AHI1: variants seen among roughly 807,000 people sequenced by gnomAD.
AHI1 encodes jouberin.
Under a neutral mutation model 149.3 loss-of-function variants are expected in AHI1, and 123 were observed. The ratio of observed to expected loss-of-function variants is 0.82; its 90% CI spans 0.71 to 0.96. The LOEUF is 0.96. Ranked by LOEUF, AHI1 falls within the 40% of genes least tolerant of loss-of-function variation. AHI1 has a pLI of 0.00. For synonymous variants in AHI1, 475 were observed against 459.8 expected, an observed-to-expected ratio of 1.03 and a Z score of -0.42; for missense variants, 1,439 against 1,422.7, an observed-to-expected ratio of 1.01 and a Z score of -0.18.
intron 5 of AHI1, among the ~76,000 whole-genome samples, chr6:135,476,983 C>G (rs1267087719): frequency 6.6e-6 from 1 of 151,744 alleles, no homozygotes; most frequent in Non-Finnish European, 1.5e-5. Context: ...TTTAAATACA[C>G]TATTCTATTA....
intron 5 of AHI1, among the ~76,000 whole-genome samples, chr6:135,484,952 G>C (rs1470998800): frequency 6.6e-6 from 1 of 151,858 alleles, no homozygotes; most frequent in African/African-American, 2.4e-5. Flanking sequence ...CTGCCTATTA[G>C]ATTTTTACAT....
At chr6:135,322,190 T>C (rs1786956068) in intron 25 of AHI1, among the ~76,000 whole-genome samples, 1 of 152,226 alleles carries the variant, frequency 6.6e-6, no homozygotes, top group African/African-American at 2.4e-5. Flanking sequence ...TCCTTCATTT[T>C]ACAGAAGGTA....
intron 4 of AHI1, among the ~76,000 whole-genome samples, chr6:135,491,053 C>T (rs543219793): frequency 1.3e-5 from 2 of 152,256 alleles, no homozygotes; most frequent in East Asian, 3.9e-4. Flanking sequence ...TGGCTTTAGA[C>T]AAGTTACTCA....
intron 22 of AHI1, among the ~76,000 whole-genome samples, chr6:135,402,479 T>C (rs1780156117): frequency 6.6e-6 from 1 of 152,152 alleles, no homozygotes. Context: ...GAAATCTTAT[T>C]TGGCAATAAA....
Position 135,457,521 on chromosome 6 carries a change from G to C in AHI1, c.1124C>G (p.Thr375Ser), listed in dbSNP as rs1237326631. The C allele has an allele frequency of 6.2e-7, 1 of 1,613,424 alleles. No homozygotes were observed. Among genetic ancestry groups the C allele is most frequent in the Non-Finnish European group, 8.5e-7 (1 of 1,179,668 alleles). ...ATCATCTTTCTTGACATATTGACCA[G>C]TATGCTCATCAACCACATGAATTTT... ...MVKIHVVDEH[T>S]GQYVKKDDSG... Residue 375 changes from threonine (T) to serine (S), a missense_variant, in exon 9 of 29, where the codon ACT becomes AGT. By Grantham distance (58) the Thr-to-Ser change is moderately conservative. Transcript: ENST00000265602.
intron 11 of AHI1, among the ~76,000 whole-genome samples, chr6:135,452,973 T>C (rs574145792): frequency 6.6e-6 from 1 of 152,352 alleles, no homozygotes; most frequent in Admixed American, 6.5e-5. Flanking sequence ...AATTGTTTTA[T>C]GTTTGTGTTG....
At chr6:135,477,630 C>T (rs1253393959) in intron 5 of AHI1, among the ~76,000 whole-genome samples, 1 of 152,012 alleles carries the variant, frequency 6.6e-6, no homozygotes, top group Admixed American at 6.6e-5. Context: ...GATCTGATTG[C>T]TTGAAAGTGT....
rs570799332 is a variant in AHI1 at position 135,486,844 on chromosome 6, T to C, written c.135+3779A>G. Among the ~76,000 whole-genome samples the C allele has an allele frequency of 1.9e-4, 29 of 152,312 alleles. No individual in the cohort carries two copies. In the South Asian group the frequency reaches 5.4e-3, roughly 28 times the overall value. On this transcript the variant is annotated intron_variant, in intron 5 of 28. Transcript: ENST00000265602. ...ATGCAGTGGCATGATTATGGCTCAC[T>C]GCAGCCTCGACTTCCCAGGCTCAAG...
chr6:135,293,392 C>CAAAAAAAAAAAAAAAAAAAAAAA (rs1175955601), intron 27 of AHI1, among the ~76,000 whole-genome samples: 3 of 20,134 alleles, frequency 1.5e-4, no homozygotes, highest in South Asian at 1.7e-3. Context: ...GTTAACAGGG[C>CAAAAAAAAAAAAAAAAAAAAAAA]AAAAAAAAAA....
At chr6:135,366,472 T>C (rs1774208485) in intron 23 of AHI1, among the ~76,000 whole-genome samples, 1 of 152,200 alleles carries the variant, frequency 6.6e-6, no homozygotes, top group Non-Finnish European at 1.5e-5. Flanking sequence ...GTGCTTGTTA[T>C]TGGTCTGTTC....
intron 24 of AHI1, among the ~76,000 whole-genome samples, chr6:135,346,353 C>A (rs1363308776): frequency 1.3e-5 from 2 of 152,054 alleles, no homozygotes; most frequent in Non-Finnish European, 2.9e-5. Context: ...CGCCACCATG[C>A]CCGGCTAATT....
At chr6:135,316,518 A>AACTATACTC (rs1785972682) in intron 26 of AHI1, among the ~76,000 whole-genome samples, 1 of 152,064 alleles carries the variant, frequency 6.6e-6, no homozygotes, top group African/African-American at 2.4e-5. Flanking sequence ...GGCTGTTTCC[A>AACTATACTC]ACTATACTCT....
chr6:135,369,647 ACT>A (rs1283657747), intron 23 of AHI1, among the ~76,000 whole-genome samples: 1 of 151,910 alleles, frequency 6.6e-6, no homozygotes, highest in Non-Finnish European at 1.5e-5. Flanking sequence ...CACAGATATG[ACT>A]CTTTCTTCTT....
chr6:135,404,856 T>C (rs1389044500), intron 22 of AHI1, 95 bp downstream of exon 22: 8 of 1,124,694 alleles, frequency 7.1e-6, no homozygotes, highest in Non-Finnish European at 1.1e-5. Context: ...GATTAACTCT[T>C]ATAAAGGTTC....
chr6:135,409,383 A>C (rs1781263343), intron 21 of AHI1, among the ~76,000 whole-genome samples: 1 of 152,156 alleles, frequency 6.6e-6, no homozygotes, highest in Admixed American at 6.5e-5. Flanking sequence ...CATTTGAGAA[A>C]TAATTGCAAG....
intron 24 of AHI1, among the ~76,000 whole-genome samples, chr6:135,353,544 T>A (rs972457747): frequency 2.6e-5 from 4 of 152,156 alleles, no homozygotes; most frequent in Non-Finnish European, 5.9e-5. Flanking sequence ...TTTACATGAA[T>A]ATATGTATAA....
chr6:135,324,637 T>C (rs1787377224), intron 24 of AHI1, among the ~76,000 whole-genome samples: 2 of 151,562 alleles, frequency 1.3e-5, no homozygotes, highest in South Asian at 2.1e-4. Flanking sequence ...AAGAGTCCCA[T>C]GTGGTGGGAA....
At chr6:135,295,632 T>C (rs1007609771) in intron 27 of AHI1, among the ~76,000 whole-genome samples, 2 of 152,154 alleles carry the variant, frequency 1.3e-5, no homozygotes, top group African/African-American at 4.8e-5. Flanking sequence ...CAAAGGTACA[T>C]GAATAAACAA....
intron 23 of AHI1, chr6:135,388,145 G>T: frequency 8.6e-7 from 1 of 1,169,182 alleles, no homozygotes; most frequent in Admixed American, 2.2e-5. Flanking sequence ...AGTTAATTTT[G>T]TAGATTACCT....
Sources: gnomAD v4.1 joint callset for allele counts (sites outside exome capture counted in the v4.1 genomes callset) on GRCh38, gnomAD v4.1.1 for gene constraint, MANE v1.5 for transcripts, NCBI Gene and HGNC (gene_info 2026-07-23, HGNC 2026-07-21) for gene names.